The following PLXNA4 variants were observed in gnomAD, a reference collection of about 807,000 sequenced individuals.
PLXNA4 encodes the protein plexin-A4.
In PLXNA4, 44 loss-of-function variants were observed where a neutral mutation model predicts 191.8. The ratio of observed to expected loss-of-function variants is 0.23; its 90% CI spans 0.18 to 0.29. The LOEUF (loss-of-function observed/expected upper bound fraction) is 0.29, where lower values mean the gene tolerates loss of function less well. Ranked by LOEUF, PLXNA4 falls within the 10% of genes least tolerant of loss-of-function variation. The probability of loss-of-function intolerance (pLI) is 1.00; values close to 1 mark genes in which losing one functional copy is unlikely to be tolerated. For missense variants in PLXNA4, 1,800 were observed against 2,488.8 expected (o/e 0.72, Z 5.89); for synonymous variants, 1,082 against 1,009.5 (o/e 1.07, Z -1.36).
At chr7:132,146,897 C>G (rs2116570531) in intron 27 of PLXNA4, among the ~76,000 whole-genome samples, 197 bp from the exon 28 acceptor site, 1 of 152,340 alleles carries the variant, frequency 6.6e-6, no homozygotes, top group East Asian at 1.9e-4. Context: ...AGGAAACTAT[C>G]TGTGGCTAAT....
Position 132,363,967 on chromosome 7 carries a change from C to T in PLXNA4, c.1372-65745G>A, listed in dbSNP as rs115105805. On this transcript the variant is annotated intron_variant, in intron 3 of 31. Transcript: ENST00000321063. ...GCTGTGGCTGGCAGGCTGTCTTGCTCAGCAGAGCACCAGGGTGGAGGAGCA... is the reference window on the plus strand; with the variant it reads ...GCTGTGGCTGGCAGGCTGTCTTGCTTAGCAGAGCACCAGGGTGGAGGAGCA... Among the ~76,000 whole-genome samples, 987 of 152,370 alleles carry T rather than the reference C, an allele frequency of 6.5e-3. 7 individuals carry two copies. Among genetic ancestry groups the T allele is most frequent in the African/African-American group, 0.023 (953 of 41,596 alleles).
chr7:132,256,008 A>G (rs543084157), intron 4 of PLXNA4, among the ~76,000 whole-genome samples: 25 of 152,354 alleles, frequency 1.6e-4, no homozygotes, highest in African/African-American at 5.5e-4. Context: ...CATAACCAAA[A>G]GCGTGCCCTG....
chr7:132,270,623 G>A (rs2161872), intron 4 of PLXNA4, among the ~76,000 whole-genome samples: 98,734 of 152,150 alleles, frequency 0.65, 34,138 homozygotes, highest in African/African-American at 0.9. Context: ...GCAATACCTT[G>A]TGTTGTATAT....
At chr7:132,476,888 A>C (rs1303309799) in intron 3 of PLXNA4, among the ~76,000 whole-genome samples, 34 of 152,220 alleles carry the variant, frequency 2.2e-4, no homozygotes, top group Admixed American at 2.2e-3. Flanking sequence ...GGAGATACAA[A>C]CATTCAGAGC....
At chr7:132,305,953 T>C (rs138381554) in intron 3 of PLXNA4, among the ~76,000 whole-genome samples, 222 of 152,156 alleles carry the variant, frequency 1.5e-3, no homozygotes, top group Middle Eastern at 3.4e-3. Flanking sequence ...TGGGCTCTTA[T>C]CCAACAGGCA....
chr7:132,302,399 C>T (rs1801341616), intron 3 of PLXNA4, among the ~76,000 whole-genome samples: 1 of 152,100 alleles, frequency 6.6e-6, no homozygotes, highest in African/African-American at 2.4e-5. Context: ...CTGCTGTACT[C>T]AGTGCAATCC....
chr7:132,178,296 AG>A (rs1444846981), intron 20 of PLXNA4, among the ~76,000 whole-genome samples: 1 of 151,910 alleles, frequency 6.6e-6, no homozygotes, highest in African/African-American at 2.4e-5. Flanking sequence ...AGGCTGCTCT[AG>A]TGGGGTGAAG....
intron 30 of PLXNA4, among the ~76,000 whole-genome samples, chr7:132,135,598 T>C (rs936435448): frequency 2.0e-5 from 3 of 152,234 alleles, no homozygotes; most frequent in Non-Finnish European, 4.4e-5. Flanking sequence ...GCCTTCACAG[T>C]GTCTTGCCTC....
chr7:132,438,003 A>T (rs1185467261), intron 3 of PLXNA4, among the ~76,000 whole-genome samples: 1 of 152,248 alleles, frequency 6.6e-6, no homozygotes, highest in Middle Eastern at 3.2e-3. Flanking sequence ...GAGGAGGGGC[A>T]GGAACTGCAT....
rs559092178 is a variant in PLXNA4 at position 132,567,718 on chromosome 7, C to T, written c.-87+8704G>A. On this transcript the variant is annotated intron_variant, in intron 1 of 31. Coordinates refer to ENST00000321063, the MANE Select transcript of PLXNA4 (RefSeq NM_020911.2). ...AGTATACAAGAAGTAAGAAATGATC[C>T]CTCTCAACCTAAAACATAAAGAAAT... is the stretch of plus-strand genomic sequence containing the variant. Among the ~76,000 whole-genome samples, 6 of 152,258 alleles carry T rather than the reference C, an allele frequency of 3.9e-5. No individual in the cohort carries two copies. In the East Asian group the frequency reaches 9.6e-4, roughly 24 times the overall value.
chr7:132,405,058 ATG>A (rs1056382602), intron 3 of PLXNA4, among the ~76,000 whole-genome samples: 8 of 66,918 alleles, frequency 1.2e-4, no homozygotes, highest in African/African-American at 4.7e-4. Context: ...AGCTGAGGGT[ATG>A]TGTGTGTGTG....
At chr7:132,513,281 C>G (rs906085164) in intron 1 of PLXNA4, among the ~76,000 whole-genome samples, 1 of 152,282 alleles carries the variant, frequency 6.6e-6, no homozygotes, top group East Asian at 1.9e-4. Context: ...AGCAATTACC[C>G]TGTGAAATTA....
rs71178032 is a variant in PLXNA4 at position 132,252,299 on chromosome 7, G to GTTTTTTT, written c.1504-11140_1504-11134dup. On this transcript the variant is annotated intron_variant, in intron 4 of 31. Coordinates refer to ENST00000321063, the MANE Select transcript of PLXNA4 (RefSeq NM_020911.2). ...TTGTTAAAATGACAGCATTCTAAAA[G>GTTTTTTT]TTTTTTTTTTTTTTTTTTTTTTTTT... 1.5e-4 allele frequency among the ~76,000 whole-genome samples: 11 copies of GTTTTTTT among 75,342 alleles called. 1 individual carries two copies. Among genetic ancestry groups the GTTTTTTT allele is most frequent in the East Asian group, 5.1e-4 (1 of 1,970 alleles). 49.4% of individuals were successfully genotyped at this position (75,342 alleles called of 152,430 possible). A position where few individuals can be genotyped will look rare whatever the true frequency, so the allele number is the denominator to read the frequency against.
chr7:132,599,525 T>C (rs985345892), intron 2 of PLXNA4, among the ~76,000 whole-genome samples: 1 of 152,200 alleles, frequency 6.6e-6, no homozygotes, highest in African/African-American at 2.4e-5. Context: ...TATTTTGTTA[T>C]TGTTGTAGAA....
In PLXNA4 at chr7:132,198,517, G is replaced by A; in HGVS notation, c.2706C>T (p.Ser902=). The A allele has an allele frequency of 6.2e-7, 1 of 1,614,204 alleles. No individual in the cohort carries two copies. The highest frequency in any genetic ancestry group is 1.1e-5 in the South Asian group (1 of 91,080). The part of the protein sequence containing the change: ...SHVKVAGVEC[S]PLVDGYIPAE... ...CAGGGATGTAACCATCCACTAAAGG[G>A]CTGCACTCCACGCCAGCAACCTTGA... is the stretch of plus-strand genomic sequence containing the variant. The change falls in exon 13 of 32, where the codon AGC becomes AGT. Residue 902 remains serine, a synonymous_variant. Coordinates refer to ENST00000321063, the MANE Select transcript of PLXNA4 (RefSeq NM_020911.2).
At chr7:132,202,475 T>G (rs1797470959) in intron 12 of PLXNA4, among the ~76,000 whole-genome samples, 171 bp downstream of exon 12, 1 of 152,148 alleles carries the variant, frequency 6.6e-6, no homozygotes, top group Non-Finnish European at 1.5e-5. Context: ...AGCCTAAGCT[T>G]CTGGGGAAGC....
rs1345533512 is a variant in PLXNA4 at position 132,133,181 on chromosome 7, C to T, written c.5457G>A (p.Gly1819=). The T allele has an allele frequency of 1.9e-6, 3 of 1,613,992 alleles. No homozygotes were observed. Among genetic ancestry groups the T allele is most frequent in the South Asian group, 2.2e-5 (2 of 91,084 alleles). The stretch of plus-strand genomic sequence containing the variant: ...CTTGGTCGCTGATGGCTGGCATCTT[C>T]CCTATGTCTGAGTAATACCTGTGGA... ...NWVERYYSDI[G]KMPAISDQDM... The change falls in exon 31 of 32, where the codon GGG becomes GGA. Residue 1819 remains glycine, a synonymous_variant. Transcript: ENST00000321063.
intron 1 of PLXNA4, among the ~76,000 whole-genome samples, chr7:132,565,432 G>C (rs1188948263): frequency 6.6e-6 from 1 of 152,172 alleles, no homozygotes; most frequent in Non-Finnish European, 1.5e-5. Context: ...CCACATTTCT[G>C]ACAAGCTCCA....
chr7:132,219,188 C>A (rs1584860669), intron 9 of PLXNA4, among the ~76,000 whole-genome samples: 1 of 152,266 alleles, frequency 6.6e-6, no homozygotes, highest in East Asian at 1.9e-4. Flanking sequence ...AGAAGAGTCA[C>A]CAGGGCCTGG....
Sources: allele counts gnomAD v4.1 joint callset (sites outside exome capture counted in the v4.1 genomes callset), GRCh38; gene constraint gnomAD v4.1.1; transcripts MANE v1.5; gene names NCBI Gene and HGNC (gene_info 2026-07-23, HGNC 2026-07-21).